Variants in MYOM2 observed in about 807,000 individuals in gnomAD.
MYOM2 encodes the protein myomesin 2.
In MYOM2, 254 loss-of-function variants were observed where a neutral mutation model predicts 187.6. The ratio of observed to expected loss-of-function variants is 1.35; its 90% CI spans 1.22 to 1.50. The LOEUF (loss-of-function observed/expected upper bound fraction) is 1.50. MYOM2 is among the 40% of genes most tolerant of loss of function. The pLI, the probability that MYOM2 is intolerant of heterozygous loss-of-function variation, is 0.00. For synonymous variants in MYOM2, 981 were observed against 753.8 expected (o/e 1.30, Z -4.94); for missense variants, 2,796 against 1,924.0 (o/e 1.45, Z -8.48).
At chr8:2,075,054 C>A (rs1819371258) in intron 10 of MYOM2, among the ~76,000 whole-genome samples, 1 of 152,202 alleles carries the variant, frequency 6.6e-6, no homozygotes, top group Non-Finnish European at 1.5e-5. Flanking sequence ...TTACTTTTTC[C>A]ATTGCATCCA....
intron 14 of MYOM2, among the ~76,000 whole-genome samples, chr8:2,087,378 C>A (rs1796129522): frequency 6.6e-6 from 1 of 152,168 alleles, no homozygotes; most frequent in African/African-American, 2.4e-5. Flanking sequence ...GAGGAGGACC[C>A]TCTGGCCTTC....
chr8:2,108,516 C>G (rs1359511188), intron 23 of MYOM2, among the ~76,000 whole-genome samples: 3 of 152,034 alleles, frequency 2.0e-5, no homozygotes, highest in Admixed American at 6.5e-5. Context: ...TCCTATATTC[C>G]AGGGATATAC....
chr8:2,083,307 CAT>C (rs939323080), intron 13 of MYOM2, among the ~76,000 whole-genome samples: 91 of 146,188 alleles, frequency 6.2e-4, no homozygotes, highest in African/African-American at 2.2e-3. Context: ...AGCAGTGTCT[CAT>C]GTGTGTTTAG....
In MYOM2 at chr8:2,131,607, A is replaced by G. The variant is rs79298750; in HGVS notation, c.3800+2375A>G. On this transcript the variant is annotated intron_variant, in intron 32 of 36. Coordinates refer to ENST00000262113, the MANE Select transcript of MYOM2 (RefSeq NM_003970.4). ...TTATTTCTATGTTTTATCTTCCCCAAACAAATTCATTATACAACAAAACAG... is the reference window on the plus strand; with the variant it reads ...TTATTTCTATGTTTTATCTTCCCCAGACAAATTCATTATACAACAAAACAG... 4.1e-3 allele frequency among the ~76,000 whole-genome samples: 616 copies of G among 151,852 alleles called. 4 individuals carry two copies. Among genetic ancestry groups the G allele is most frequent in the Middle Eastern group, 0.01 (3 of 294 alleles).
intron 9 of MYOM2, among the ~76,000 whole-genome samples, chr8:2,072,879 T>C (rs556480101): frequency 6.6e-6 from 1 of 152,356 alleles, no homozygotes; most frequent in Admixed American, 6.5e-5. Context: ...ATTGAGATTC[T>C]TTTCTTCCTT....
intron 21 of MYOM2, 39 bp from the exon 22 acceptor site, chr8:2,106,203 G>T (rs369470565): frequency 2.3e-5 from 36 of 1,595,400 alleles, no homozygotes; most frequent in Non-Finnish European, 3.0e-5. Flanking sequence ...AAAGAACACC[G>T]TGTCCCTAAG....
At chr8:2,084,451 G>C (rs945885065) in intron 13 of MYOM2, among the ~76,000 whole-genome samples, 2 of 152,176 alleles carry the variant, frequency 1.3e-5, no homozygotes, top group Non-Finnish European at 2.9e-5. Flanking sequence ...GGAGGTTTCA[G>C]ACCGTTTTAA....
intron 18 of MYOM2, chr8:2,097,117 CA>C (rs1388964057): frequency 1.0e-6 from 1 of 982,132 alleles, no homozygotes; most frequent in Non-Finnish European, 1.2e-6. Context: ...ACTTACACTC[CA>C]ACAGGAGGGC....
intron 32 of MYOM2, among the ~76,000 whole-genome samples, chr8:2,138,832 A>G (rs2116914027): frequency 6.6e-6 from 1 of 152,280 alleles, no homozygotes; most frequent in South Asian, 2.1e-4. Flanking sequence ...TCTCAGGGTG[A>G]AGCCAATCCC....
At position 2,130,191 on chromosome 8, in the gene MYOM2, C is replaced by A. The variant is rs1490903407; in HGVS notation, c.3800+959C>A. Among the ~76,000 whole-genome samples, 3 of 141,100 alleles carry A rather than the reference C, an allele frequency of 2.1e-5. No individual in the cohort carries two copies. The East Asian group carries it at 6.6e-4, about 31-fold the overall frequency. The allele number at this position is 141,100 out of a possible 152,430, so 92.6% of individuals were successfully genotyped here. A position where few individuals can be genotyped will look rare whatever the true frequency, so the allele number is the denominator to read the frequency against. ...CCTCACTACGCTCTACCCAGGGCGCCCACACCCCGCCTTTAGTTAACGCCC... is the reference window on the plus strand; with the variant it reads ...CCTCACTACGCTCTACCCAGGGCGCACACACCCCGCCTTTAGTTAACGCCC... On this transcript the variant is annotated intron_variant, in intron 32 of 36. Coordinates refer to ENST00000262113, the MANE Select transcript of MYOM2 (RefSeq NM_003970.4).
rs371075716 is a variant in MYOM2, at chr8:2,069,252, C to G, written c.654-26C>G. 154 of 1,599,430 alleles carry G rather than the reference C, an allele frequency of 9.6e-5. No individual in the cohort carries two copies. The South Asian group carries it at 1.5e-3, about 15-fold the overall frequency. ...GACTTTTACACAACAGTCCCGCAGA[C>G]TTTCTCTTGTTTTTTTCTCTCCAAG... On this transcript the variant is annotated intron_variant, in intron 6 of 36. Transcript: ENST00000262113.
intron 36 of MYOM2, 27 bp downstream of exon 36, chr8:2,143,483 G>A: frequency 6.2e-7 from 1 of 1,613,986 alleles, no homozygotes; most frequent in Non-Finnish European, 8.5e-7. Flanking sequence ...CGGCCGGGGT[G>A]GGGGTGTCAG....
At position 2,073,434 on chromosome 8, in the gene MYOM2, C is replaced by G. The variant is rs752708764; in HGVS notation, c.1054C>G (p.Leu352Val). 6.2e-7 allele frequency: 1 copy of G among 1,612,730 alleles called. No homozygotes were observed. The highest frequency in any genetic ancestry group is 1.3e-5 in the African/African-American group (1 of 75,048). Residue 352 changes from leucine to valine, a missense_variant, in exon 10 of 37, where the codon CTG (leucine) becomes GTG (valine). Coordinates refer to ENST00000262113, the MANE Select transcript of MYOM2 (RefSeq NM_003970.4). ...CCACCTGCACAAGGACGACGAGGGCCTGTACACCCTGCGCATCGTGTCTCG... is the reference window on the plus strand; with the variant it reads ...CCACCTGCACAAGGACGACGAGGGCGTGTACACCCTGCGCATCGTGTCTCG... The part of the protein sequence containing the change: ...FSHLHKDDEG[L>V]YTLRIVSRGG...
intron 21 of MYOM2, among the ~76,000 whole-genome samples, chr8:2,105,176 C>T (rs1414043774): frequency 6.6e-6 from 1 of 152,108 alleles, no homozygotes; most frequent in Non-Finnish European, 1.5e-5. Context: ...AAACCACAGC[C>T]CCAGAGTGTG....
chr8:2,046,013 A>T (rs756191450), intron 1 of MYOM2, among the ~76,000 whole-genome samples: 1 of 152,252 alleles, frequency 6.6e-6, no homozygotes, highest in Non-Finnish European at 1.5e-5. Flanking sequence ...TTAAGGCGTT[A>T]TTTAATAAAC....
chr8:2,048,079 T>A (rs577866888), intron 1 of MYOM2, among the ~76,000 whole-genome samples: 8 of 152,326 alleles, frequency 5.3e-5, no homozygotes, highest in African/African-American at 1.9e-4. Context: ...ATAGGTCACA[T>A]TTTGACTCTT....
chr8:2,103,402 T>A (rs1796781891), intron 21 of MYOM2, among the ~76,000 whole-genome samples: 1 of 150,070 alleles, frequency 6.7e-6, no homozygotes, highest in Admixed American at 6.6e-5. Context: ...ATGTGTTATG[T>A]GTTTATGTGT....
At chr8:2,126,599 G>A (rs1434817355) in intron 31 of MYOM2, among the ~76,000 whole-genome samples, 1 of 152,156 alleles carries the variant, frequency 6.6e-6, no homozygotes, top group Non-Finnish European at 1.5e-5. Context: ...CTCATACACA[G>A]GAGCCCTGGG....
rs1343823746 is a variant in MYOM2, at chr8:2,057,685, G to C, written c.465G>C (p.Glu155Asp). The change falls in exon 5 of 37, where the codon GAG becomes GAC. Residue 155 changes from glutamate (E) to aspartate (D), a missense_variant. Coordinates refer to ENST00000262113, the MANE Select transcript of MYOM2 (RefSeq NM_003970.4). Reference protein sequence around the residue: ...TFEERISRAPEILVRLRSHTV... With the variant: ...TFEERISRAPDILVRLRSHTV... ...AAGAGCGGATAAGCAGGGCTCCTGA[G>C]ATCCTGGTGCGGCTGCGATCCCACA... The C allele has an allele frequency of 6.2e-7, 1 of 1,614,166 alleles. No homozygotes were observed. The highest frequency in any genetic ancestry group is 8.5e-7 in the Non-Finnish European group (1 of 1,180,040).
Sources: gnomAD v4.1 joint callset for allele counts (sites outside exome capture counted in the v4.1 genomes callset) on GRCh38, gnomAD v4.1.1 for gene constraint, MANE v1.5 for transcripts, NCBI Gene and HGNC (gene_info 2026-07-23, HGNC 2026-07-21) for gene names.